The following HHLA2 variants were observed in gnomAD, a reference collection of about 807,000 sequenced individuals.
HHLA2 encodes the protein HHLA2 member of B7 family.
A neutral mutation model predicts 45.9 loss-of-function variants in HHLA2; 48 were observed. That is an observed-to-expected ratio of 1.05 (90% confidence interval 0.83 to 1.33). The LOEUF is 1.33. Ranked by LOEUF, HHLA2 falls within the 40% of genes most tolerant of loss-of-function variation. The pLI is 0.00. For synonymous variants in HHLA2, 161 were observed against 173.9 expected, an observed-to-expected ratio of 0.93 and a Z score of 0.59; for missense variants, 462 against 494.3, an observed-to-expected ratio of 0.93 and a Z score of 0.62.
intron 1 of HHLA2, among the ~76,000 whole-genome samples, chr3:108,300,540 C>A (rs2080832727): frequency 6.6e-6 from 1 of 152,162 alleles, no homozygotes. Flanking sequence ...AAATAAGCTT[C>A]TCTCCTTAAT....
chr3:108,319,378 T>G (rs150712768), intron 2 of HHLA2, among the ~76,000 whole-genome samples: 1 of 152,326 alleles, frequency 6.6e-6, no homozygotes, highest in East Asian at 1.9e-4. Context: ...CTCGACTCTT[T>G]TCAAGTGTTA....
In HHLA2 at chr3:108,373,646, C is replaced by T. The variant is rs368696328; in HGVS notation, c.1109-2104C>T. ...TCAGCAAAGTCTCAGGATACAAAAT[C>T]AATGTGCAAAAATCACAAGCATTCT... On this transcript the variant is annotated intron_variant, in intron 8 of 10. Coordinates refer to ENST00000619531, the Ensembl canonical transcript of HHLA2. Among the ~76,000 whole-genome samples the T allele has an allele frequency of 2.8e-4, 42 of 152,066 alleles. No individual in the cohort carries two copies. The East Asian group carries it at 8.1e-3, about 29-fold the overall frequency.
intron 1 of HHLA2, among the ~76,000 whole-genome samples, chr3:108,309,840 T>C (rs1382762891): frequency 6.6e-6 from 1 of 152,182 alleles, no homozygotes; most frequent in African/African-American, 2.4e-5. Flanking sequence ...CAGCCCACAC[T>C]CAAGGGGAGG....
intron 1 of HHLA2, among the ~76,000 whole-genome samples, chr3:108,306,354 G>C (rs933327531): frequency 6.6e-6 from 1 of 152,038 alleles, no homozygotes. Context: ...ACAACATTTT[G>C]TCCAGATTTT....
exon 6 of HHLA2, chr3:108,355,302 A>C: frequency 1.2e-6 from 2 of 1,613,902 alleles, no homozygotes. Context: ...TGAATATTAC[A>C]GGATCAAATT....
chr3:108,358,409 G>A (rs984865509), intron 7 of HHLA2, among the ~76,000 whole-genome samples: 11 of 152,092 alleles, frequency 7.2e-5, no homozygotes, highest in African/African-American at 1.7e-4. Flanking sequence ...GAAATGAGGA[G>A]GAAACACATT....
intron 3 of HHLA2, among the ~76,000 whole-genome samples, chr3:108,339,356 CA>C (rs2081526794): frequency 1.3e-5 from 2 of 152,286 alleles, no homozygotes; most frequent in South Asian, 4.1e-4. Flanking sequence ...TGAGATTTCA[CA>C]GTAGAGTGGT....
At chr3:108,355,436 T>C in intron 6 of HHLA2, 55 bp downstream of exon 5, 1 of 1,545,806 alleles carries the variant, frequency 6.5e-7, no homozygotes, top group East Asian at 2.3e-5. Flanking sequence ...TGGGGGGTAA[T>C]GGGGACTGAT....
intron 3 of HHLA2, among the ~76,000 whole-genome samples, chr3:108,340,169 GA>G (rs2081540101): frequency 6.6e-6 from 1 of 152,120 alleles, no homozygotes; most frequent in Non-Finnish European, 1.5e-5. Flanking sequence ...GGAGAGAATT[GA>G]GGCAAGGAGG....
rs541584614 is a variant in HHLA2 at position 108,373,050 on chromosome 3, C to T, written c.1109-2700C>T. ...AAAAAAGAGAATTTTAGACCAATATCCTTGATGAACATTGATGCAAAAATC... is the reference window on the plus strand; with the variant it reads ...AAAAAAGAGAATTTTAGACCAATATTCTTGATGAACATTGATGCAAAAATC... On this transcript the variant is annotated intron_variant, in intron 8 of 10. Coordinates refer to ENST00000619531, the Ensembl canonical transcript of HHLA2. 3.7e-3 allele frequency among the ~76,000 whole-genome samples: 561 copies of T among 152,288 alleles called. 4 individuals are homozygous for T. Among genetic ancestry groups the T allele is most frequent in the African/African-American group, 0.013 (543 of 41,548 alleles).
At chr3:108,366,892 T>G (rs1024663528) in intron 8 of HHLA2, among the ~76,000 whole-genome samples, 1 of 152,206 alleles carries the variant, frequency 6.6e-6, no homozygotes, top group Non-Finnish European at 1.5e-5. Flanking sequence ...TAGCAGTCTA[T>G]CTATTTTGTT....
intron 2 of HHLA2, among the ~76,000 whole-genome samples, chr3:108,322,177 G>A (rs746387539): frequency 3.9e-5 from 6 of 152,156 alleles, no homozygotes; most frequent in African/African-American, 1.2e-4. Context: ...GCTTATTGGA[G>A]GCTCTAAGAG....
intron 3 of HHLA2, among the ~76,000 whole-genome samples, chr3:108,328,650 A>G (rs562008865): frequency 1.3e-5 from 2 of 152,274 alleles, no homozygotes; most frequent in Admixed American, 6.5e-5. Flanking sequence ...ATTCTGAGAA[A>G]TGGTAAATTT....
intron 6 of HHLA2, among the ~76,000 whole-genome samples, chr3:108,357,437 G>A (rs1398636772): frequency 6.6e-6 from 1 of 152,214 alleles, no homozygotes; most frequent in African/African-American, 2.4e-5. Flanking sequence ...AAAAGTTAGA[G>A]ACCACTAGGG....
At chr3:108,369,986 T>A (rs539183645) in intron 8 of HHLA2, among the ~76,000 whole-genome samples, 37 of 152,272 alleles carry the variant, frequency 2.4e-4, no homozygotes, top group African/African-American at 8.9e-4. Flanking sequence ...GCACGCAGCT[T>A]GAGATCTGAG....
At chr3:108,329,640 G>C (rs539830122) in intron 3 of HHLA2, among the ~76,000 whole-genome samples, 1 of 152,000 alleles carries the variant, frequency 6.6e-6, no homozygotes, top group Admixed American at 6.6e-5. Flanking sequence ...GACTGGGTCC[G>C]GTCCAGAGGC....
intron 6 of HHLA2, among the ~76,000 whole-genome samples, chr3:108,357,223 A>G (rs2081909928): frequency 6.6e-6 from 1 of 152,190 alleles, no homozygotes; most frequent in South Asian, 2.1e-4. Flanking sequence ...AGTCCATGAC[A>G]GTCCATAGAG....
chr3:108,372,750 C>T (rs1406350165), intron 8 of HHLA2, among the ~76,000 whole-genome samples: 3 of 152,206 alleles, frequency 2.0e-5, no homozygotes, highest in African/African-American at 7.2e-5. Flanking sequence ...AATTCCTTGA[C>T]ACATACACTC....
chr3:108,305,018 T>G (rs1384150769), intron 1 of HHLA2, among the ~76,000 whole-genome samples: 3 of 152,228 alleles, frequency 2.0e-5, no homozygotes. Context: ...TCTGTCTGTT[T>G]TTATAGGGTT....
Sources: gnomAD v4.1 joint callset for allele counts (sites outside exome capture counted in the v4.1 genomes callset) on GRCh38, gnomAD v4.1.1 for gene constraint, MANE v1.5 for transcripts, NCBI Gene and HGNC (gene_info 2026-07-23, HGNC 2026-07-21) for gene names.